The following TEX30 variants were observed in gnomAD, a reference collection of about 807,000 sequenced individuals.
TEX30 encodes testis expressed 30.
A neutral mutation model predicts 23.8 loss-of-function variants in TEX30; 14 were observed. The ratio of observed to expected loss-of-function variants is 0.59; its 90% CI spans 0.39 to 0.92. TEX30 has a LOEUF of 0.92. TEX30 is among the 40% of genes least tolerant of loss of function. The pLI is 0.00. For synonymous variants in TEX30, 78 were observed against 90.2 expected (o/e 0.87, Z 0.76); for missense variants, 246 against 270.6 (o/e 0.91, Z 0.64).
chr13:102,769,214 TTTAAA>T, intron 3 of TEX30, 92 bp downstream of exon 3: 2 of 956,214 alleles, frequency 2.1e-6, no homozygotes, highest in South Asian at 3.9e-5. Flanking sequence ...TCAAAGATTT[TTTAAA>T]TTAAACCAGA....
Position 102,765,998 on chromosome 13 carries a change from G to A in TEX30, c.*403C>T, listed in dbSNP as rs1052147273. 1.3e-5 allele frequency: 2 copies of A among 153,762 alleles called. No homozygotes were observed. Among genetic ancestry groups the A allele is most frequent in the Non-Finnish European group, 2.9e-5 (2 of 69,220 alleles). 9.5% of individuals were successfully genotyped at this position (153,762 alleles called of 1,614,324 possible). The stretch of plus-strand genomic sequence containing the variant: ...GATTTATTAAAAGATAAGGTGAAGA[G>A]ATGTGTGCATTCTATAAATCTCTGA... On this transcript the variant is annotated 3_prime_UTR_variant, in exon 6 of 6. Transcript: ENST00000376032.
chr13:102,768,532 A>G (rs1020306085), intron 3 of TEX30, among the ~76,000 whole-genome samples: 2 of 152,208 alleles, frequency 1.3e-5, no homozygotes, highest in Admixed American at 6.5e-5. Flanking sequence ...AATATGTGAG[A>G]AAAAAAGTCA....
intron 1 of TEX30, chr13:102,770,842 A>C (rs1566428097): frequency 1.3e-5 from 2 of 152,228 alleles, no homozygotes; most frequent in African/African-American, 4.8e-5. Flanking sequence ...TGAGCATAAA[A>C]TGTAAGCCAC....
chr13:102,770,106 G>C lies in TEX30; in HGVS notation c.-60-20C>G. On this transcript the variant is annotated intron_variant, in intron 1 of 5. Coordinates refer to ENST00000376032, the MANE Select transcript of TEX30 (RefSeq NM_138779.5). The stretch of plus-strand genomic sequence containing the variant: ...ATCTCCCTGAAAAGAAGATTCTGTT[G>C]TGAAAGGTGAGTTGGCAGACATGGA... The C allele has an allele frequency of 9.4e-7, 1 of 1,061,250 alleles. No individual in the cohort carries two copies. Among genetic ancestry groups the C allele is most frequent in the Admixed American group, 3.9e-5 (1 of 25,448 alleles). The allele number at this position is 1,061,250 out of a possible 1,614,324, so 65.7% of individuals were successfully genotyped here.
At chr13:102,769,274 A>C (rs111473469) in intron 3 of TEX30, 37 bp downstream of exon 3, 2 of 1,335,538 alleles carry the variant, frequency 1.5e-6, no homozygotes, top group Admixed American at 5.7e-5. Context: ...TTTCAAACAG[A>C]ATTCTGTTAT....
At position 102,766,402 on chromosome 13, in the gene TEX30, T is replaced by G. The variant is rs1261133588; in HGVS notation, c.683A>C (p.Ter228SerextTer7). ...TACTCAAGATAACATGGCTTTTAAC[T>G]AATGACATTTCTTGTCCATTTCAGT... Reference protein sequence around the residue: ...EITEMDKKCH* With the variant: ...EITEMDKKCHS Residue 228 changes from the stop codon to serine, a stop_lost, in exon 6 of 6, where the codon TAG becomes TCG. Transcript: ENST00000376032. 6.2e-7 allele frequency: 1 copy of G among 1,612,908 alleles called. No individual in the cohort carries two copies. Among genetic ancestry groups the G allele is most frequent in the Non-Finnish European group, 8.5e-7 (1 of 1,179,232 alleles).
chr13:102,767,428 G>A lies in TEX30; in HGVS notation c.349C>T (p.Pro117Ser). ...CGAACAAAATCATCACCATCATCTG[G>A]CTCAATGTGACACATTACAGAAGCA... is the stretch of plus-strand genomic sequence containing the variant. ...AAASVMCHIEPDDGDDFVRGL... is the reference protein window; with the variant it reads ...AAASVMCHIESDDGDDFVRGL... The change falls in exon 5 of 6, where the codon CCA (proline) becomes TCA (serine). Residue 117 changes from proline to serine, a missense_variant. Coordinates refer to ENST00000376032, the MANE Select transcript of TEX30 (RefSeq NM_138779.5). The A allele has an allele frequency of 6.2e-7, 1 of 1,614,082 alleles. No individual in the cohort carries two copies. The highest frequency in any genetic ancestry group is 1.1e-5 in the South Asian group (1 of 91,062).
intron 1 of TEX30, 121 bp downstream of exon 1, chr13:102,773,561 C>T (rs905065907): frequency 1.3e-5 from 2 of 152,134 alleles, no homozygotes; most frequent in African/African-American, 4.8e-5. Flanking sequence ...TCGGACCAGA[C>T]GCCCCTGAGG....
chr13:102,769,890 A>C, intron 2 of TEX30, 122 bp downstream of exon 2: 2 of 859,224 alleles, frequency 2.3e-6, no homozygotes, highest in South Asian at 3.0e-5. Flanking sequence ...CTCGCTCTTA[A>C]CCACTTATGC....
intron 1 of TEX30, chr13:102,773,350 G>C (rs1383095344): frequency 1.3e-5 from 2 of 152,176 alleles, no homozygotes; most frequent in Admixed American, 1.3e-4. Context: ...GCTGCGCCGC[G>C]GGCTGCCCCG....
chr13:102,770,771 TG>T (rs1298723015), intron 1 of TEX30: 1 of 152,166 alleles, frequency 6.6e-6, no homozygotes, highest in Non-Finnish European at 1.5e-5. Flanking sequence ...AACCCAAAAC[TG>T]AAGTCTGGAG....
At position 102,768,329 on chromosome 13, in the gene TEX30, T is replaced by A. The variant is rs531082848; in HGVS notation, c.247-18A>T. 1.4e-5 allele frequency: 22 copies of A among 1,552,354 alleles called. No individual in the cohort carries two copies. The highest frequency in any genetic ancestry group is 9.1e-5 in the African/African-American group (6 of 66,048). ...AGGTAATTCTAGAAAAATAAAAAAA[T>A]CATCAGTTCTTCACCTATAAAATAT... On this transcript the variant is annotated intron_variant, in intron 3 of 5. Transcript: ENST00000376032.
chr13:102,769,250 AC>A, intron 3 of TEX30, 60 bp downstream of exon 3: 2 of 1,182,632 alleles, frequency 1.7e-6, no homozygotes, highest in Non-Finnish European at 2.3e-6. Context: ...AATTTATCTT[AC>A]ATTTATTAAG....
At chr13:102,768,450 A>G (rs1295281144) in intron 3 of TEX30, 139 bp from the exon 4 acceptor site, 1 of 577,276 alleles carries the variant, frequency 1.7e-6, no homozygotes, top group East Asian at 3.2e-5. Flanking sequence ...GATTTTTCTT[A>G]AAAGAAGTAA....
chr13:102,767,211 C>A, intron 5 of TEX30, 62 bp downstream of exon 5: 1 of 1,508,146 alleles, frequency 6.6e-7, no homozygotes, highest in Non-Finnish European at 9.1e-7. Flanking sequence ...AAGTATCTTG[C>A]TCCCAAGATA....
chr13:102,770,090 A>C lies in TEX30; in HGVS notation c.-60-4T>G. ...CTGAGAAGCAAAGGACATCTCCCTG[A>C]AAAGAAGATTCTGTTGTGAAAGGTG... On this transcript the variant is annotated splice_region_variant and splice_polypyrimidine_tract_variant and intron_variant, in intron 1 of 5. Coordinates refer to ENST00000376032, the MANE Select transcript of TEX30 (RefSeq NM_138779.5). 8.3e-7 allele frequency: 1 copy of C among 1,201,670 alleles called. No homozygotes were observed. Among genetic ancestry groups the C allele is most frequent in the Non-Finnish European group, 1.1e-6 (1 of 925,538 alleles). 74.4% of individuals were successfully genotyped at this position (1,201,670 alleles called of 1,614,324 possible).
intron 1 of TEX30, among the ~76,000 whole-genome samples, chr13:102,772,087 A>C (rs1877361060): frequency 6.6e-6 from 1 of 152,080 alleles, no homozygotes; most frequent in African/African-American, 2.4e-5. Flanking sequence ...AACTTCATGA[A>C]GGAGTAAATT....
At chr13:102,766,624 T>A in intron 5 of TEX30, 44 bp from the exon 6 acceptor site, 1 of 1,559,006 alleles carries the variant, frequency 6.4e-7, no homozygotes, top group Non-Finnish European at 8.7e-7. Flanking sequence ...GTTCTGTTGA[T>A]ATTTAATAAA....
In TEX30 at chr13:102,766,336, G is replaced by T; in HGVS notation, c.*65C>A. ...ATTAGTCTGAAATATATCTCACAATGCTGAGAGGCATACTCTTCTTTATCA... is the reference window on the plus strand; with the variant it reads ...ATTAGTCTGAAATATATCTCACAATTCTGAGAGGCATACTCTTCTTTATCA... On this transcript the variant is annotated 3_prime_UTR_variant, in exon 6 of 6. Coordinates refer to ENST00000376032, the MANE Select transcript of TEX30 (RefSeq NM_138779.5). The T allele has an allele frequency of 7.5e-7, 1 of 1,340,720 alleles. No individual in the cohort carries two copies. Among genetic ancestry groups the T allele is most frequent in the Non-Finnish European group, 1.0e-6 (1 of 966,082 alleles). The allele number at this position is 1,340,720 out of a possible 1,614,324, so 83.1% of individuals were successfully genotyped here. A position where few individuals can be genotyped will look rare whatever the true frequency, so the allele number is the denominator to read the frequency against.
Sources: gnomAD v4.1 joint callset for allele counts (sites outside exome capture counted in the v4.1 genomes callset) on GRCh38, gnomAD v4.1.1 for gene constraint, MANE v1.5 for transcripts, NCBI Gene and HGNC (gene_info 2026-07-23, HGNC 2026-07-21) for gene names.